Variants in MTUS1 observed in about 807,000 individuals in gnomAD.
MTUS1 encodes the protein microtubule-associated tumor suppressor 1.
A neutral mutation model predicts 120.8 loss-of-function variants in MTUS1; 109 were observed. The ratio of observed to expected loss-of-function variants is 0.90; its 90% confidence interval spans 0.77 to 1.06. The LOEUF is 1.06. MTUS1 is among the 50% of genes least tolerant of loss of function. MTUS1 has a pLI of 0.00. For missense variants in MTUS1, 2,210 were observed against 1,486.3 expected (o/e 1.49, Z -8.01); for synonymous variants, 737 against 550.5 (o/e 1.34, Z -4.74).
chr8:17,722,081 G>A, intron 4 of MTUS1: 1 of 1,336,438 alleles, frequency 7.5e-7, no homozygotes, highest in East Asian at 2.7e-5. Flanking sequence ...GAGACTCACT[G>A]ATTTGAATGC....
chr8:17,752,716 G>A (rs1055076489), intron 2 of MTUS1, among the ~76,000 whole-genome samples: 1 of 152,052 alleles, frequency 6.6e-6, no homozygotes, highest in Non-Finnish European at 1.5e-5. Flanking sequence ...CTTGCCACGA[G>A]CCCTCCAAGG....
intron 8 of MTUS1, among the ~76,000 whole-genome samples, chr8:17,670,889 A>G (rs1014518706): frequency 6.6e-6 from 1 of 152,196 alleles, no homozygotes; most frequent in Non-Finnish European, 1.5e-5. Flanking sequence ...AACAAGCCAG[A>G]GACAAAAAAC....
chr8:17,668,286 CTTCTTCCAA>C (rs1477733838), intron 8 of MTUS1, among the ~76,000 whole-genome samples: 1 of 152,184 alleles, frequency 6.6e-6, no homozygotes, highest in East Asian at 1.9e-4. Context: ...CTAGACAATT[CTTCTTCCAA>C]CGTGGCCCGG....
chr8:17,723,856 A>C, intron 3 of MTUS1, 23 bp from the exon 4 acceptor site: 1 of 1,526,912 alleles, frequency 6.5e-7, no homozygotes, highest in Non-Finnish European at 8.8e-7. Context: ...AAAAAACAAA[A>C]AGTTTCCAGT....
intron 1 of MTUS1, among the ~76,000 whole-genome samples, chr8:17,777,968 C>A (rs1586351510): frequency 6.6e-6 from 1 of 152,072 alleles, no homozygotes; most frequent in East Asian, 1.9e-4. Flanking sequence ...TTTTATGATT[C>A]CTGCTATGTA....
Position 17,754,852 on chromosome 8 carries a change from T to A in MTUS1, c.956A>T (p.Asn319Ile), listed in dbSNP as rs575211265. Residue 319 changes from asparagine (N) to isoleucine (I), a missense_variant, in exon 2 of 15, where the codon AAT (asparagine) becomes ATT (isoleucine). By Grantham distance (149) the Asn-to-Ile change is moderately radical. Coordinates refer to ENST00000693296, the MANE Select transcript of MTUS1 (RefSeq NM_001363059.2). The part of the protein sequence containing the change: ...EFFCLSHDES[N>I]SEPHSQSSYR... ...TGAGCTCTGTGAATGTGGTTCGCTA[T>A]TGGATTCATCATGGGATAAACAAAA... The A allele has an allele frequency of 6.2e-7, 1 of 1,614,124 alleles. No homozygotes were observed. Among genetic ancestry groups the A allele is most frequent in the African/African-American group, 1.3e-5 (1 of 74,942 alleles).
At chr8:17,769,410 C>G (rs111503668) in intron 1 of MTUS1, among the ~76,000 whole-genome samples, 13 of 148,320 alleles carry the variant, frequency 8.8e-5, no homozygotes, top group Admixed American at 3.4e-4. Context: ...TGCAGTGGCG[C>G]GATCTCGGCT....
intron 3 of MTUS1, among the ~76,000 whole-genome samples, chr8:17,726,298 C>T (rs1319849253): frequency 6.6e-6 from 1 of 152,168 alleles, no homozygotes; most frequent in African/African-American, 2.4e-5. Flanking sequence ...GTGAGCTTAT[C>T]CTGCCAGGAC....
At chr8:17,716,847 C>A (rs1359559582) in intron 4 of MTUS1, among the ~76,000 whole-genome samples, 1 of 152,216 alleles carries the variant, frequency 6.6e-6, no homozygotes, top group Non-Finnish European at 1.5e-5. Flanking sequence ...AGCCACCGCA[C>A]CTAGCCTGTT....
At chr8:17,761,028 G>T (rs552304828) in intron 1 of MTUS1, among the ~76,000 whole-genome samples, 1 of 151,988 alleles carries the variant, frequency 6.6e-6, no homozygotes, top group Non-Finnish European at 1.5e-5. Flanking sequence ...ATCTTTTTCA[G>T]AGAACATTTT....
At chr8:17,696,141 G>A (rs896409772) in intron 6 of MTUS1, among the ~76,000 whole-genome samples, 4 of 152,136 alleles carry the variant, frequency 2.6e-5, no homozygotes, top group Admixed American at 2.6e-4. Flanking sequence ...GGGAGAGGAG[G>A]GCCACTGCTG....
intron 1 of MTUS1, among the ~76,000 whole-genome samples, chr8:17,769,539 G>A (rs1181616533): frequency 6.6e-6 from 1 of 150,840 alleles, no homozygotes; most frequent in Non-Finnish European, 1.5e-5. Flanking sequence ...AGTAGAGACG[G>A]GATTTCACCG....
intron 4 of MTUS1, chr8:17,721,696 G>A (rs759194629): frequency 1.9e-6 from 3 of 1,546,340 alleles, no homozygotes; most frequent in South Asian, 1.3e-5. Flanking sequence ...AAAGAAACCA[G>A]AAATCGTCGA....
At chr8:17,788,880 T>C (rs2051529998) in intron 1 of MTUS1, among the ~76,000 whole-genome samples, 1 of 152,136 alleles carries the variant, frequency 6.6e-6, no homozygotes, top group Admixed American at 6.6e-5. Flanking sequence ...TAGTACTGGG[T>C]CCAAAGTATT....
chr8:17,742,290 T>C (rs1263467235), intron 3 of MTUS1, among the ~76,000 whole-genome samples: 5 of 102,250 alleles, frequency 4.9e-5, no homozygotes, highest in East Asian at 2.7e-4. Context: ...TTGTTGTTGT[T>C]GTTTTTTTTT....
chr8:17,711,363 T>G (rs902992039), intron 6 of MTUS1, among the ~76,000 whole-genome samples: 1 of 152,246 alleles, frequency 6.6e-6, no homozygotes, highest in Non-Finnish European at 1.5e-5. Context: ...TCGCTGTAGC[T>G]TCTACATCAG....
chr8:17,662,764 A>G (rs1810039058), intron 8 of MTUS1, among the ~76,000 whole-genome samples: 1 of 151,976 alleles, frequency 6.6e-6, no homozygotes, highest in Non-Finnish European at 1.5e-5. Flanking sequence ...TTTTGTATAC[A>G]TGTTTGTAAA....
intron 4 of MTUS1, chr8:17,722,009 T>G: frequency 2.1e-6 from 3 of 1,406,304 alleles, no homozygotes; most frequent in Non-Finnish European, 2.8e-6. Context: ...AAAAAAAAAA[T>G]GCGTAAGCTC....
intron 1 of MTUS1, chr8:17,758,165 C>A (rs1331128838): frequency 1.3e-5 from 2 of 152,182 alleles, no homozygotes; most frequent in African/African-American, 4.8e-5. Flanking sequence ...TCTCATTTTT[C>A]TATCTTGCAG....
Sources: gnomAD v4.1 joint callset for allele counts (sites outside exome capture counted in the v4.1 genomes callset) on GRCh38, gnomAD v4.1.1 for gene constraint, MANE v1.5 for transcripts, NCBI Gene and HGNC (gene_info 2026-07-23, HGNC 2026-07-21) for gene names.